Variants in POLA1 observed in about 807,000 individuals in gnomAD.
POLA1 encodes DNA polymerase alpha catalytic subunit.
Under a neutral mutation model 124.0 loss-of-function variants are expected in POLA1, and 15 were observed. That is an observed-to-expected ratio of 0.12 (90% confidence interval 0.08 to 0.19). POLA1 has a LOEUF of 0.19. Ranked by LOEUF, POLA1 falls within the 10% of genes least tolerant of loss-of-function variation. POLA1 has a pLI of 1.00. For synonymous variants in POLA1, 408 were observed against 389.4 expected (o/e 1.05, Z -0.56); for missense variants, 886 against 1,103.4 (o/e 0.80, Z 2.79).
chrX:24,741,923 A>C, intron 21 of POLA1, 79 bp from the exon 22 acceptor site: 2 of 836,844 alleles, frequency 2.4e-6, no homozygotes, highest in East Asian at 3.4e-5. Flanking sequence ...AGGTGCTGTG[A>C]CTAAACTTAC....
intron 26 of POLA1, among the ~76,000 whole-genome samples, chrX:24,796,597 C>T (rs1429311606): frequency 9.0e-6 from 1 of 111,541 alleles, no homozygotes; most frequent in Non-Finnish European, 1.9e-5. Context: ...GCCTAGTCTC[C>T]CTTTTCTCTG....
chrX:24,851,442 A>G (rs1400871639), intron 34 of POLA1, among the ~76,000 whole-genome samples: 2 of 112,826 alleles, frequency 1.8e-5, no homozygotes, highest in Non-Finnish European at 3.7e-5. Context: ...TCTTCTTTGC[A>G]GTCACTCTTA....
chrX:24,702,808 G>T (rs1928546298), intron 2 of POLA1, among the ~76,000 whole-genome samples: 1 of 112,382 alleles, frequency 8.9e-6, no homozygotes, highest in Non-Finnish European at 1.9e-5. Context: ...GATTGAACAG[G>T]CATGAAAATT....
intron 34 of POLA1, among the ~76,000 whole-genome samples, chrX:24,845,150 G>T (rs2046459652): frequency 8.9e-6 from 1 of 111,890 alleles, no homozygotes; most frequent in African/African-American, 3.2e-5. Flanking sequence ...TGTGTATGTT[G>T]TGGTGGTGGT....
In POLA1 at chrX:24,717,291, C is replaced by G; in HGVS notation, c.708C>G (p.Gly236=). The change falls in exon 9 of 37, where the codon GGC becomes GGG. Residue 236 remains glycine (G), a splice_region_variant and synonymous_variant. Coordinates refer to ENST00000379068, the MANE Select transcript of POLA1 (RefSeq NM_001330360.2). ...PVPLKRAEFA[G]DDVQVESTEE... is the part of the protein sequence containing the mutation. ...AAGAATGTGTGATGATGCCTACAGG[C>G]GATGATGTACAGGTCGAGAGTACAG... 1.7e-6 allele frequency: 2 copies of G among 1,204,969 alleles called. No homozygotes were observed. Among genetic ancestry groups the G allele is most frequent in the Non-Finnish European group, 2.2e-6 (2 of 889,819 alleles).
rs897914672 is a variant in POLA1, at chrX:24,954,294, A to G, written c.4261+23745A>G. The stretch of plus-strand genomic sequence containing the variant: ...TTTGTTTTTAATTAGTATTTTTTAA[A>G]AAATATGTTAAGGGCTTCTGGTGGT... On this transcript the variant is annotated intron_variant, in intron 36 of 36. Transcript: ENST00000379068. Among the ~76,000 whole-genome samples the G allele has an allele frequency of 5.3e-5, 6 of 112,480 alleles. No homozygotes were observed. In the Admixed American group the frequency reaches 5.7e-4, roughly 11 times the overall value.
intron 36 of POLA1, among the ~76,000 whole-genome samples, chrX:24,932,115 C>T (rs1447204842): frequency 8.9e-6 from 1 of 112,232 alleles, no homozygotes; most frequent in African/African-American, 3.2e-5. Flanking sequence ...GCCAGGCTGG[C>T]CTCAAACCCC....
At chrX:24,938,723 T>C (rs2047881157) in intron 36 of POLA1, among the ~76,000 whole-genome samples, 1 of 112,759 alleles carries the variant, frequency 8.9e-6, no homozygotes, top group Non-Finnish European at 1.9e-5. Context: ...GATGGCAGCA[T>C]GCAGCCTGCT....
At chrX:24,903,996 A>G (rs1165583133) in intron 35 of POLA1, among the ~76,000 whole-genome samples, 1 of 100,016 alleles carries the variant, frequency 1.0e-5, no homozygotes, top group Admixed American at 1.2e-4. Context: ...GTGCAGTGGT[A>G]TGATCAAGGC....
chrX:24,705,597 A>G (rs192365111), intron 4 of POLA1, among the ~76,000 whole-genome samples: 1,127 of 111,755 alleles, frequency 0.01, 8 homozygotes, highest in Non-Finnish European at 0.015. Flanking sequence ...AAGTTTCCCA[A>G]TTAGCCCAAT....
At chrX:24,798,547 AT>A (rs1006683863) in intron 26 of POLA1, among the ~76,000 whole-genome samples, 1 of 110,917 alleles carries the variant, frequency 9.0e-6, no homozygotes, top group African/African-American at 3.3e-5. Flanking sequence ...TTAAGAAACC[AT>A]TTTTTTCTAG....
intron 36 of POLA1, among the ~76,000 whole-genome samples, chrX:24,945,690 CCA>C (rs1362885978): frequency 1.8e-5 from 2 of 111,057 alleles, no homozygotes; most frequent in Admixed American, 1.9e-4. Context: ...TGATGCACAC[CCA>C]CAGTGTTGGG....
At chrX:24,801,923 G>GC (rs1491138414) in intron 26 of POLA1, among the ~76,000 whole-genome samples, 1 of 88,733 alleles carries the variant, frequency 1.1e-5, no homozygotes, top group Admixed American at 1.4e-4. Flanking sequence ...AGAGGTGGGT[G>GC]GGTGTGTGTG....
At chrX:24,905,891 A>G (rs1287502228) in intron 35 of POLA1, among the ~76,000 whole-genome samples, 1 of 112,298 alleles carries the variant, frequency 8.9e-6, no homozygotes, top group Non-Finnish European at 1.9e-5. Context: ...GGAAAAATAG[A>G]AAATCTCAAC....
intron 36 of POLA1, among the ~76,000 whole-genome samples, chrX:24,944,418 CT>C (rs2047939546): frequency 9.0e-6 from 1 of 111,152 alleles, no homozygotes; most frequent in Non-Finnish European, 1.9e-5. Context: ...GCATCCAAAT[CT>C]TTTCCCTCCA....
chrX:24,787,613 A>G (rs1243836169), intron 26 of POLA1, among the ~76,000 whole-genome samples: 1 of 111,460 alleles, frequency 9.0e-6, no homozygotes, highest in African/African-American at 3.3e-5. Context: ...TTTGATTACC[A>G]TAGTTTTGTA....
chrX:24,822,271 A>G (rs1368403441), intron 31 of POLA1, among the ~76,000 whole-genome samples: 1 of 112,088 alleles, frequency 8.9e-6, no homozygotes, highest in South Asian at 3.7e-4. Context: ...CATCCCTTCT[A>G]TCTGTAAAGA....
At chrX:24,919,796 GTT>G (rs113905438) in intron 35 of POLA1, among the ~76,000 whole-genome samples, 1 of 39,482 alleles carries the variant, frequency 2.5e-5, no homozygotes, top group Admixed American at 2.6e-4. Context: ...TCCCTCCCCA[GTT>G]TTTTTTTTTG....
intron 34 of POLA1, among the ~76,000 whole-genome samples, chrX:24,857,212 C>T (rs1008895450): frequency 1.2e-4 from 13 of 111,601 alleles, no homozygotes; most frequent in African/African-American, 3.3e-4. Context: ...CTTTTGCACC[C>T]GTGTTAAAAA....
Sources: allele counts gnomAD v4.1 joint callset (sites outside exome capture counted in the v4.1 genomes callset), GRCh38; gene constraint gnomAD v4.1.1; transcripts MANE v1.5; gene names NCBI Gene and HGNC (gene_info 2026-07-23, HGNC 2026-07-21).